The following CFAP61 variants were observed in gnomAD, a reference collection of about 807,000 sequenced individuals.
CFAP61 encodes cilia and flagella associated protein 61.
In CFAP61, 107 loss-of-function variants were observed where a neutral mutation model predicts 135.6. The ratio of observed to expected loss-of-function variants is 0.79; its 90% CI spans 0.67 to 0.93. CFAP61 has a LOEUF of 0.93. Among genes scored for constraint, CFAP61 ranks in the 40% least tolerant of loss-of-function variants. The pLI, the probability that CFAP61 is intolerant of heterozygous loss-of-function variation, is 0.00. For missense variants in CFAP61, 1,507 were observed against 1,556.2 expected (o/e 0.97, Z 0.53); for synonymous variants, 575 against 578.5 (o/e 0.99, Z 0.09).
chr20:20,201,984 C>T (rs2146897884), intron 17 of CFAP61, among the ~76,000 whole-genome samples: 1 of 151,912 alleles, frequency 6.6e-6, no homozygotes, highest in Non-Finnish European at 1.5e-5. Flanking sequence ...CCCTCCCACC[C>T]TACTGTGAGA....
At chr20:20,301,085 C>T (rs973407097) in intron 25 of CFAP61, among the ~76,000 whole-genome samples, 12 of 152,048 alleles carry the variant, frequency 7.9e-5, no homozygotes, top group African/African-American at 1.7e-4. Flanking sequence ...ATAATATCTT[C>T]GGTATTGTAT....
At chr20:20,264,766 C>T (rs1450855587) in intron 21 of CFAP61, among the ~76,000 whole-genome samples, 1 of 152,122 alleles carries the variant, frequency 6.6e-6, no homozygotes, top group East Asian at 1.9e-4. Flanking sequence ...GTGGTGTACA[C>T]CTGTAGTCCC....
At chr20:20,118,462 T>A (rs2049353403) in intron 8 of CFAP61, among the ~76,000 whole-genome samples, 1 of 151,756 alleles carries the variant, frequency 6.6e-6, no homozygotes, top group African/African-American at 2.4e-5. Context: ...TGCTTCAGCC[T>A]CCCAAGTAGC....
At chr20:20,133,768 C>A (rs1204894467) in intron 8 of CFAP61, among the ~76,000 whole-genome samples, 1 of 152,144 alleles carries the variant, frequency 6.6e-6, no homozygotes. Flanking sequence ...AAGACCTTAT[C>A]CCAAGTCTCA....
At chr20:20,098,564 C>G (rs1176075029) in intron 7 of CFAP61, 91 bp from the exon 8 acceptor site, 5 of 1,181,728 alleles carry the variant, frequency 4.2e-6, no homozygotes, top group African/African-American at 3.3e-5. Context: ...AGCCAAGATA[C>G]ACCACTGCAC....
intron 22 of CFAP61, among the ~76,000 whole-genome samples, chr20:20,280,166 T>C (rs2054089559): frequency 6.6e-6 from 1 of 152,136 alleles, no homozygotes; most frequent in Non-Finnish European, 1.5e-5. Context: ...CTAAATCCAA[T>C]GGCTGGTGTC....
At chr20:20,347,992 T>C (rs1276117052) in intron 26 of CFAP61, among the ~76,000 whole-genome samples, 1 of 133,366 alleles carries the variant, frequency 7.5e-6, no homozygotes, top group African/African-American at 2.8e-5. Context: ...AAATAGAAAA[T>C]CTCAACAGAG....
chr20:20,355,052 A>T (rs1246292013), intron 26 of CFAP61, among the ~76,000 whole-genome samples: 2 of 141,046 alleles, frequency 1.4e-5, no homozygotes, highest in African/African-American at 5.4e-5. Context: ...AGGTGGTCAC[A>T]CTGTGAGAGG....
chr20:20,227,858 CTG>C (rs950921817), intron 17 of CFAP61, among the ~76,000 whole-genome samples: 1 of 152,184 alleles, frequency 6.6e-6, no homozygotes. Context: ...TTCAGGGAAA[CTG>C]TGGACAGAAG....
chr20:20,119,407 T>G (rs556962497), intron 8 of CFAP61, among the ~76,000 whole-genome samples: 1 of 152,294 alleles, frequency 6.6e-6, no homozygotes, highest in South Asian at 2.1e-4. Context: ...GGTGTGTAAT[T>G]GTTCATAATA....
chr20:20,214,110 A>G (rs1369680499), intron 17 of CFAP61, among the ~76,000 whole-genome samples: 7 of 152,148 alleles, frequency 4.6e-5, no homozygotes, highest in Non-Finnish European at 1.0e-4. Flanking sequence ...ATTTGAATTA[A>G]TTAGTGACAG....
chr20:20,332,160 G>C (rs114215064), intron 25 of CFAP61, among the ~76,000 whole-genome samples: 2,235 of 152,318 alleles, frequency 0.015, 64 homozygotes, highest in African/African-American at 0.052. Flanking sequence ...ACTCAGTCCT[G>C]TACCCTGACG....
intron 8 of CFAP61, among the ~76,000 whole-genome samples, chr20:20,122,447 G>T (rs1201605887): frequency 6.6e-6 from 1 of 152,130 alleles, no homozygotes. Context: ...AAGCTATCAT[G>T]CCTGGCTTGT....
At position 20,166,411 on chromosome 20, in the gene CFAP61, T is replaced by C; in HGVS notation, c.1220T>C (p.Met407Thr). The change falls in exon 12 of 27, where the codon ATG becomes ACG. Residue 407 changes from methionine (M) to threonine (T), a missense_variant. Physicochemically the swap from Met to Thr is moderately conservative, Grantham distance 81. Transcript: ENST00000245957. ...CTTGTTTACAGGTCGCTGGATTTTA[T>C]GAATTTTGTTTTCAGTCTTTTTTCT... is the stretch of plus-strand genomic sequence containing the variant. ...EKYEARSLDF[M>T]NFVFSLFSDK... 1.2e-6 allele frequency: 2 copies of C among 1,613,888 alleles called. No individual in the cohort carries two copies. The highest frequency in any genetic ancestry group is 1.7e-6 in the Non-Finnish European group (2 of 1,179,828).
intron 8 of CFAP61, among the ~76,000 whole-genome samples, chr20:20,112,967 TTG>T (rs1346667304): frequency 1.2e-4 from 19 of 152,356 alleles, no homozygotes; most frequent in African/African-American, 4.3e-4. Flanking sequence ...GGTGTGATTA[TTG>T]TGTGTGCTTG....
Position 20,277,319 on chromosome 20 carries a change from T to A in CFAP61, c.2657T>A (p.Val886Glu). ...AACAACTACTCGGTGGAGAGCGCCGTGGCGGACGCGCTAGGAGCCGCCGGA... is the reference window on the plus strand; with the variant it reads ...AACAACTACTCGGTGGAGAGCGCCGAGGCGGACGCGCTAGGAGCCGCCGGA... The part of the protein sequence containing the change: ...CINNYSVESA[V>E]ADALGAAGVT... Residue 886 changes from valine to glutamate, a missense_variant, in exon 22 of 27, where the codon GTG becomes GAG. Coordinates refer to ENST00000245957, the MANE Select transcript of CFAP61 (RefSeq NM_015585.4). 1.9e-6 allele frequency: 3 copies of A among 1,614,132 alleles called. No homozygotes were observed. Among genetic ancestry groups the A allele is most frequent in the Non-Finnish European group, 2.5e-6 (3 of 1,180,020 alleles).
chr20:20,228,294 C>T lies in CFAP61; in HGVS notation c.1978C>T (p.Pro660Ser), dbSNP rs2048887438. The T allele has an allele frequency of 6.2e-7, 1 of 1,610,758 alleles. No homozygotes were observed. Among genetic ancestry groups the T allele is most frequent in the Non-Finnish European group, 8.5e-7 (1 of 1,177,288 alleles). Residue 660 changes from proline (P) to serine (S), a missense_variant, in exon 18 of 27, where the codon CCT becomes TCT. By Grantham distance (74) the Pro-to-Ser change is moderately conservative (BLOSUM62 -1). Transcript: ENST00000245957. ...NHTNRKLTLE[P>S]KITVNAKIIV... The stretch of plus-strand genomic sequence containing the variant: ...TACAAACAGAAAACTAACATTGGAA[C>T]CTAAAATTACTGTCAATGCCAAGAT...
chr20:20,153,228 A>G (rs1313633570), intron 9 of CFAP61, among the ~76,000 whole-genome samples: 1 of 152,162 alleles, frequency 6.6e-6, no homozygotes, highest in Non-Finnish European at 1.5e-5. Flanking sequence ...AAGTGGTGCT[A>G]AGAGGAAAGT....
intron 17 of CFAP61, among the ~76,000 whole-genome samples, chr20:20,209,323 G>T (rs954570518): frequency 2.0e-5 from 3 of 152,114 alleles, no homozygotes; most frequent in African/African-American, 7.2e-5. Context: ...CATTTGTTTT[G>T]ATTTCCTTTG....
Sources: allele counts gnomAD v4.1 joint callset (sites outside exome capture counted in the v4.1 genomes callset), GRCh38; gene constraint gnomAD v4.1.1; transcripts MANE v1.5; gene names NCBI Gene and HGNC (gene_info 2026-07-23, HGNC 2026-07-21).